Variants in BBS2 observed in about 807,000 individuals in gnomAD.
The protein encoded by BBS2 is BBSome complex member BBS2.
A neutral mutation model predicts 83.0 loss-of-function variants in BBS2; 62 were observed. The observed-to-expected ratio is 0.75, with a 90% confidence interval of 0.61 to 0.92. The LOEUF is 0.92. BBS2 is among the 40% of genes least tolerant of loss of function. The probability of loss-of-function intolerance (pLI) is 0.00; values close to 1 mark genes in which losing one functional copy is unlikely to be tolerated. For synonymous variants in BBS2, 303 were observed against 326.1 expected (o/e 0.93, Z 0.76); for missense variants, 784 against 901.0 (o/e 0.87, Z 1.66).
At chr16:56,481,282 A>G (rs552015164), downstream of BBS2, among the ~76,000 whole-genome samples, 3 of 152,172 alleles carry the variant, frequency 2.0e-5, no homozygotes, top group South Asian at 6.2e-4. Flanking sequence ...ATGCTATTCT[A>G]TGCTCAAGGC....
intron 2 of BBS2, 78 bp from the exon 3 acceptor site, chr16:56,511,362 TA>T: frequency 6.3e-7 from 1 of 1,586,044 alleles, no homozygotes; most frequent in Non-Finnish European, 8.6e-7. Flanking sequence ...AAATTTTGAG[TA>T]AACTGAGCAG....
intron 17 of BBS2, chr16:56,478,362 T>C (rs1379336763): frequency 1.3e-5 from 2 of 152,178 alleles, no homozygotes; most frequent in African/African-American, 4.8e-5. Context: ...GGTTTCACCA[T>C]GTTGGCCAGG....
chr16:56,488,937 C>T (rs1267160147), intron 15 of BBS2, among the ~76,000 whole-genome samples: 2 of 152,172 alleles, frequency 1.3e-5, no homozygotes, highest in African/African-American at 4.8e-5. Flanking sequence ...TTCAGAATAT[C>T]ACAATGAAAT....
At chr16:56,487,248 C>T (rs1243052524) in intron 15 of BBS2, among the ~76,000 whole-genome samples, 1 of 151,094 alleles carries the variant, frequency 6.6e-6, no homozygotes, top group Admixed American at 6.6e-5. Flanking sequence ...AGCCAGCAAC[C>T]ATTTTTGACT....
intron 2 of BBS2, 87 bp downstream of exon 2, chr16:56,514,366 C>G: frequency 8.4e-6 from 11 of 1,308,400 alleles, no homozygotes; most frequent in Non-Finnish European, 1.2e-5. Flanking sequence ...ACAAACAGAC[C>G]AAAATAAATG....
chr16:56,505,894 A>T, intron 7 of BBS2, 56 bp downstream of exon 7: 1 of 1,350,416 alleles, frequency 7.4e-7, no homozygotes, highest in Non-Finnish European at 1.1e-6. Context: ...TACAGCCAAT[A>T]CACCTTGGAC....
rs121908179 is a variant in BBS2, at chr16:56,514,487, T to G, written c.311A>C (p.Asp104Ala). 2.9e-5 allele frequency: 46 copies of G among 1,614,032 alleles called. No individual in the cohort carries two copies. Among genetic ancestry groups the G allele is most frequent in the Non-Finnish European group, 5.9e-6 (7 of 1,180,018 alleles). ...VGTQTNLLAY[D>A]VYNNSDLFYR... ...GAACAAATCCGAATTATTGTAGACA[T>G]CATAAGCCAAAAGATTAGTCTGTGT... Residue 104 changes from aspartate (D) to alanine (A), a missense_variant, in exon 2 of 17, where the codon GAT becomes GCT. By Grantham distance (126) the Asp-to-Ala change is moderately radical. Transcript: ENST00000245157.
At chr16:56,492,075 T>A (rs1022788075) in intron 15 of BBS2, among the ~76,000 whole-genome samples, 1 of 151,548 alleles carries the variant, frequency 6.6e-6, no homozygotes, top group African/African-American at 2.4e-5. Flanking sequence ...TTTAAATTTT[T>A]AATTTTTAAT....
At chr16:56,480,968 T>G (rs79043907), downstream of BBS2, among the ~76,000 whole-genome samples, 2 of 151,992 alleles carry the variant, frequency 1.3e-5, no homozygotes, top group Non-Finnish European at 2.9e-5. Context: ...AGCTAGAGCA[T>G]AGAGTGTGGG....
At chr16:56,495,428 T>C (rs12447395) in intron 15 of BBS2, among the ~76,000 whole-genome samples, 25,568 of 152,142 alleles carry the variant, frequency 0.17, 2,324 homozygotes, top group East Asian at 0.27. Flanking sequence ...AGATCTACCA[T>C]TATCTTTCTA....
chr16:56,500,821 T>G, intron 11 of BBS2, 33 bp downstream of exon 11: 4 of 1,611,230 alleles, frequency 2.5e-6, no homozygotes, highest in Non-Finnish European at 3.4e-6. Flanking sequence ...CTAAGTGCTG[T>G]CCTGAAATGA....
Position 56,502,398 on chromosome 16 carries a change from T to A in BBS2, c.999A>T (p.Ala333=), listed in dbSNP as rs1964300041. The A allele has an allele frequency of 6.2e-7, 1 of 1,614,258 alleles. No individual in the cohort carries two copies. Among genetic ancestry groups the A allele is most frequent in the Non-Finnish European group, 8.5e-7 (1 of 1,180,048 alleles). The part of the protein sequence containing the change: ...EMRGNLMDTS[A]EQDLIRELSQ... ...TCAGCTCTCGGATCAGGTCCTGCTCTGCACTGGTGTCCATGAGGTTGCCCC... is the reference window on the plus strand; with the variant it reads ...TCAGCTCTCGGATCAGGTCCTGCTCAGCACTGGTGTCCATGAGGTTGCCCC... The change falls in exon 9 of 17, where the codon GCA becomes GCT. Residue 333 remains alanine, a synonymous_variant. Coordinates refer to ENST00000245157, the MANE Select transcript of BBS2 (RefSeq NM_031885.5).
At chr16:56,471,560 A>G (rs1008276327) in intron 17 of BBS2, among the ~76,000 whole-genome samples, 2 of 152,204 alleles carry the variant, frequency 1.3e-5, no homozygotes, top group South Asian at 4.1e-4. Context: ...AGCACTTACT[A>G]CTATGTCAGT....
intron 7 of BBS2, among the ~76,000 whole-genome samples, chr16:56,503,868 G>A (rs1450943901): frequency 2.0e-5 from 3 of 150,814 alleles, no homozygotes; most frequent in African/African-American, 2.5e-5. Context: ...GCAGTGAGCC[G>A]AGATTGCGCC....
chr16:56,488,462 G>A (rs1214437166), intron 15 of BBS2, among the ~76,000 whole-genome samples: 1 of 152,064 alleles, frequency 6.6e-6, no homozygotes, highest in African/African-American at 2.4e-5. Context: ...GAAACTTAAT[G>A]GCATTTGCTA....
chr16:56,498,355 A>G (rs1964169633), intron 13 of BBS2, 82 bp downstream of exon 13: 2 of 1,543,766 alleles, frequency 1.3e-6, no homozygotes, highest in Non-Finnish European at 1.8e-6. Flanking sequence ...TGAGAAATCT[A>G]TGCCCCTCTC....
chr16:56,475,472 A>C, intron 17 of BBS2: 1 of 1,600,992 alleles, frequency 6.2e-7, no homozygotes, highest in African/African-American at 1.3e-5. Flanking sequence ...TTTCAATAGG[A>C]GCTTTCTGAA....
Position 56,501,106 on chromosome 16 carries a change from C to T in BBS2, c.1226-81G>A, listed in dbSNP as rs1964258168. ...TGGGCAGATCACGAGGTCAGGAGGT[C>T]GAGACCATCTTGGCTAACACGGTGA... On this transcript the variant is annotated intron_variant, in intron 10 of 16. Transcript: ENST00000245157. The T allele has an allele frequency of 1.6e-5, 24 of 1,500,066 alleles. No homozygotes were observed. In the South Asian group the frequency reaches 2.4e-4, roughly 15 times the overall value. The allele number at this position is 1,500,066 out of a possible 1,614,324, so 92.9% of individuals were successfully genotyped here.
At chr16:56,486,076 A>T (rs1486532640) in intron 15 of BBS2, among the ~76,000 whole-genome samples, 1 of 152,204 alleles carries the variant, frequency 6.6e-6, no homozygotes, top group Non-Finnish European at 1.5e-5. Context: ...TCATTAGACT[A>T]AAGTGGCCTG....
Sources: allele counts gnomAD v4.1 joint callset (sites outside exome capture counted in the v4.1 genomes callset), GRCh38; gene constraint gnomAD v4.1.1; transcripts MANE v1.5; gene names NCBI Gene and HGNC (gene_info 2026-07-23, HGNC 2026-07-21).